The following CDKL5 variants were observed in gnomAD, a reference collection of about 807,000 sequenced individuals.
The protein encoded by CDKL5 is cyclin dependent kinase like 5.
CDKL5 carries 8 observed loss-of-function variants against 61.7 expected under a neutral mutation model. The ratio of observed to expected loss-of-function variants is 0.13; its 90% CI spans 0.08 to 0.23. The LOEUF (loss-of-function observed/expected upper bound fraction) is 0.23, where lower values mean the gene tolerates loss of function less well. Among genes scored for constraint, CDKL5 ranks in the 10% least tolerant of loss-of-function variants. The pLI is 1.00. For missense variants in CDKL5, 440 were observed against 734.5 expected (o/e 0.60, Z 4.63); for synonymous variants, 275 against 272.3 (o/e 1.01, Z -0.10).
rs200809878 is a variant in CDKL5, at chrX:18,628,543, G to A, written c.2669G>A (p.Arg890Gln). ...SQASGGSSNIRQEPAPKGRPA... is the reference protein window; with the variant it reads ...SQASGGSSNIQQEPAPKGRPA... Reference sequence around the variant, plus strand: ...GCCTCTGGCGGGAGCAGCAACATCCGGCAGGAACCCGCACCGAAGGGCAGG... The same window carrying A: ...GCCTCTGGCGGGAGCAGCAACATCCAGCAGGAACCCGCACCGAAGGGCAGG... The change falls in exon 18 of 18, where the codon CGG becomes CAG. Residue 890 changes from arginine to glutamine, a missense_variant. Arg to Gln is a conservative substitution (Grantham distance 43). Around this residue, in one of 2 missense-constraint regions of CDKL5, gnomAD observed 363 missense variants for 516.3 expected, o/e 0.70. Transcript: ENST00000623535. 3 of 1,210,252 alleles carry A rather than the reference G, an allele frequency of 2.5e-6. No homozygotes were observed. Among genetic ancestry groups the A allele is most frequent in the East Asian group, 5.9e-5 (2 of 33,737 alleles).
intron 3 of CDKL5, among the ~76,000 whole-genome samples, chrX:18,556,594 G>A (rs1301300990): frequency 9.0e-6 from 1 of 111,458 alleles, no homozygotes; most frequent in African/African-American, 3.3e-5. Flanking sequence ...AGCACTTAGG[G>A]TGGGGCTTGG....
Position 18,636,157 on chromosome X carries a change from C to T in CDKL5, c.*7400C>T, listed in dbSNP as rs911427641. 9.1e-6 allele frequency: 1 copy of T among 110,473 alleles called. No homozygotes were observed. The highest frequency in any genetic ancestry group is 1.9e-5 in the Non-Finnish European group (1 of 52,893). 9.1% of individuals were successfully genotyped at this position (110,473 alleles called of 1,213,427 possible). On this transcript the variant is annotated 3_prime_UTR_variant, in exon 18 of 18. Transcript: ENST00000623535. ...GGTAGGAGCTGAAAGTCAGTGCTCT[C>T]CATTCTTAAAAGTCCTCTGTCAACC...
In CDKL5 at chrX:18,639,333, G is replaced by T. The variant is rs1927487045; in HGVS notation, c.*10576G>T. Among the ~76,000 whole-genome samples the T allele has an allele frequency of 8.9e-6, 1 of 112,604 alleles. No individual in the cohort carries two copies. Among genetic ancestry groups the T allele is most frequent in the Non-Finnish European group, 1.9e-5 (1 of 53,324 alleles). On this transcript the variant is annotated 3_prime_UTR_variant, in exon 18 of 18. Transcript: ENST00000623535. The stretch of plus-strand genomic sequence containing the variant: ...AATTCTTAAACTCAGTAAGTTGTAA[G>T]CCGATTTAAAATGGGCAGAGGATCT...
Position 18,635,383 on chromosome X carries a change from T to C in CDKL5, c.*6626T>C, listed in dbSNP as rs1437610624. 4.1e-5 allele frequency: 31 copies of C among 754,510 alleles called. No individual in the cohort carries two copies. Among genetic ancestry groups the C allele is most frequent in the Non-Finnish European group, 4.8e-5 (31 of 639,395 alleles). 62.2% of individuals were successfully genotyped at this position (754,510 alleles called of 1,213,427 possible). ...CCAAATGTCTTTAATAAAATGCAGA[T>C]TTTGCACTGACTGATGTGACTGCCA... On this transcript the variant is annotated 3_prime_UTR_variant, in exon 18 of 18. Transcript: ENST00000623535.
chrX:18,523,549 C>T (rs183163513), intron 3 of CDKL5, among the ~76,000 whole-genome samples: 1 of 111,506 alleles, frequency 9.0e-6, no homozygotes, highest in Non-Finnish European at 1.9e-5. Flanking sequence ...TATATGTATA[C>T]AACGAACAAA....
At chrX:18,500,268 C>G (rs1385199395) in intron 1 of CDKL5, among the ~76,000 whole-genome samples, 1 of 111,693 alleles carries the variant, frequency 9.0e-6, no homozygotes, top group African/African-American at 3.3e-5. Flanking sequence ...TCCATCATTT[C>G]AAGCATTTAT....
chrX:18,480,929 C>T (rs901715007), intron 1 of CDKL5, among the ~76,000 whole-genome samples: 5 of 105,842 alleles, frequency 4.7e-5, no homozygotes, highest in Non-Finnish European at 3.9e-5. Context: ...GTGATCTCCG[C>T]TCACTGCAAC....
chrX:18,523,088 A>G (rs750030999), intron 3 of CDKL5, among the ~76,000 whole-genome samples: 2 of 110,608 alleles, frequency 1.8e-5, no homozygotes, highest in East Asian at 5.6e-4. Flanking sequence ...GAGCCACCAC[A>G]CCCGGCCCCA....
chrX:18,430,780 A>G (rs1387640699), intron 1 of CDKL5, among the ~76,000 whole-genome samples: 2 of 110,976 alleles, frequency 1.8e-5, no homozygotes, highest in Non-Finnish European at 3.8e-5. Context: ...GGACTCTGAA[A>G]ATTTTTCTAC....
intron 1 of CDKL5, among the ~76,000 whole-genome samples, chrX:18,456,715 G>A (rs1474149735): frequency 1.8e-5 from 2 of 111,692 alleles, no homozygotes; most frequent in Non-Finnish European, 3.8e-5. Context: ...TATGGCATTG[G>A]ATAGTCTGGA....
chrX:18,453,850 G>C (rs1271827618), intron 1 of CDKL5, among the ~76,000 whole-genome samples: 1 of 112,101 alleles, frequency 8.9e-6, no homozygotes. Flanking sequence ...TGTTGTCTTT[G>C]TAAGATCTAA....
At chrX:18,642,021 C>T (rs1279917353), downstream of CDKL5, 3 of 1,211,132 alleles carry the variant, frequency 2.5e-6, no homozygotes, top group Non-Finnish European at 3.4e-6. Context: ...CACTTGCTGA[C>T]GCACTCCAGC....
At chrX:18,479,854 A>T (rs974825758) in intron 1 of CDKL5, among the ~76,000 whole-genome samples, 4 of 111,708 alleles carry the variant, frequency 3.6e-5, no homozygotes, top group Admixed American at 2.9e-4. Context: ...AAGTTCACTG[A>T]TTCTTCTGCC....
intron 3 of CDKL5, among the ~76,000 whole-genome samples, chrX:18,530,335 C>CAA (rs985283133): frequency 5.3e-4 from 25 of 47,574 alleles, no homozygotes; most frequent in African/African-American, 1.9e-3. Flanking sequence ...GGCTCCGTCT[C>CAA]AAAAAAAAAA....
intron 1 of CDKL5, among the ~76,000 whole-genome samples, chrX:18,466,097 A>G (rs995513512): frequency 9.0e-6 from 1 of 111,702 alleles, no homozygotes; most frequent in African/African-American, 3.3e-5. Context: ...TCTGTGGAAA[A>G]TGATAGGTTT....
intron 2 of CDKL5, 54 bp from the exon 3 acceptor site, chrX:18,510,766 A>C: frequency 1.0e-6 from 1 of 981,804 alleles, no homozygotes; most frequent in Non-Finnish European, 1.5e-6. Context: ...TCAGTATAGC[A>C]GAGCTTTGTA....
chrX:18,556,848 A>G (rs764673369), intron 3 of CDKL5, among the ~76,000 whole-genome samples: 47 of 85,030 alleles, frequency 5.5e-4, no homozygotes, highest in Admixed American at 6.9e-4. Context: ...ACGCCACTGC[A>G]CTCCAGCCTG....
Position 18,634,977 on chromosome X carries a change from G to A in CDKL5, c.*6220G>A. The A allele has an allele frequency of 2.7e-6, 2 of 743,896 alleles. No individual in the cohort carries two copies. The highest frequency in any genetic ancestry group is 3.2e-6 in the Non-Finnish European group (2 of 633,167). 61.3% of individuals were successfully genotyped at this position (743,896 alleles called of 1,213,427 possible). On this transcript the variant is annotated 3_prime_UTR_variant, in exon 18 of 18. Coordinates refer to ENST00000623535, the MANE Select transcript of CDKL5 (RefSeq NM_001323289.2). ...ATGTGACATCTAGTATGTGGTAGATGAAGAATCAGTGGAAATTCTTAATTG... is the reference window on the plus strand; with the variant it reads ...ATGTGACATCTAGTATGTGGTAGATAAAGAATCAGTGGAAATTCTTAATTG...
intron 1 of CDKL5, among the ~76,000 whole-genome samples, chrX:18,503,983 T>G (rs1922477251): frequency 9.0e-6 from 1 of 111,621 alleles, no homozygotes. Flanking sequence ...GCATGAGTGA[T>G]CCGTCCACCT....
Sources: gnomAD v4.1 joint callset for allele counts (sites outside exome capture counted in the v4.1 genomes callset) on GRCh38, gnomAD v4.1.1 for gene constraint, gnomAD v4.1.1 regional missense constraint, MANE v1.5 for transcripts, NCBI Gene and HGNC (gene_info 2026-07-23, HGNC 2026-07-21) for gene names.